The following ESRP1 variants were observed in gnomAD, a reference collection of about 807,000 sequenced individuals.
The protein encoded by ESRP1 is RNA-binding motif protein 35A.
A neutral mutation model predicts 81.7 loss-of-function variants in ESRP1; 33 were observed. That is an observed-to-expected ratio of 0.40 (90% CI 0.31 to 0.54). The LOEUF is 0.54. Among genes scored for constraint, ESRP1 ranks in the 20% least tolerant of loss-of-function variants. The probability of loss-of-function intolerance (pLI) is 0.41; values close to 1 mark genes in which losing one functional copy is unlikely to be tolerated. For missense variants in ESRP1, 672 were observed against 833.1 expected, an observed-to-expected ratio of 0.81 and a Z score of 2.38; for synonymous variants, 320 against 303.3, an observed-to-expected ratio of 1.06 and a Z score of -0.57.
At chr8:94,655,091 TG>T (rs1818337885) in intron 4 of ESRP1, among the ~76,000 whole-genome samples, 1 of 145,708 alleles carries the variant, frequency 6.9e-6, no homozygotes, top group East Asian at 2.1e-4. Context: ...GTGTGTGTTT[TG>T]TTTTGTTTTG....
intron 9 of ESRP1, among the ~76,000 whole-genome samples, chr8:94,666,630 G>A (rs1297160728): frequency 3.9e-5 from 6 of 152,114 alleles, no homozygotes; most frequent in Non-Finnish European, 5.9e-5. Flanking sequence ...AGAACTTACC[G>A]GAACAGCATC....
At chr8:94,647,132 C>T (rs1586173147) in intron 4 of ESRP1, among the ~76,000 whole-genome samples, 1 of 152,274 alleles carries the variant, frequency 6.6e-6, no homozygotes, top group East Asian at 1.9e-4. Context: ...TGTGTTACTT[C>T]ACGATTTTTT....
intron 6 of ESRP1, among the ~76,000 whole-genome samples, chr8:94,664,154 T>A (rs1818895884): frequency 7.3e-6 from 1 of 137,196 alleles, no homozygotes; most frequent in Non-Finnish European, 1.6e-5. Flanking sequence ...GAGGGAGTCT[T>A]GCTCTATTGC....
At chr8:94,682,897 C>T (rs1312530275) in intron 13 of ESRP1, among the ~76,000 whole-genome samples, 7 of 61,964 alleles carry the variant, frequency 1.1e-4, no homozygotes, top group Admixed American at 2.3e-4. Context: ...TCAATATATT[C>T]ATTATTTTAT....
intron 4 of ESRP1, among the ~76,000 whole-genome samples, chr8:94,648,216 C>T (rs1431917020): frequency 6.6e-6 from 1 of 152,102 alleles, no homozygotes. Flanking sequence ...ATGATTGTGC[C>T]ACTACACTCC....
At chr8:94,686,558 T>C (rs1050283148) in intron 13 of ESRP1, among the ~76,000 whole-genome samples, 1 of 152,218 alleles carries the variant, frequency 6.6e-6, no homozygotes, top group Non-Finnish European at 1.5e-5. Flanking sequence ...GTTAGTTTAT[T>C]TGATGTGGTA....
chr8:94,705,156 C>CTTTTTTTTTTTTTTTTTTTTTTTTTTT (rs57801249), intron 15 of ESRP1, among the ~76,000 whole-genome samples: 2 of 90,560 alleles, frequency 2.2e-5, no homozygotes, highest in African/African-American at 8.8e-5. Context: ...TGCCTTATTG[C>CTTTTTTTTTTTTTTTTTTTTTTTTTTT]TTTTTTTTTT....
chr8:94,642,312 T>A (rs546909739), intron 2 of ESRP1, among the ~76,000 whole-genome samples: 47 of 152,210 alleles, frequency 3.1e-4, no homozygotes, highest in Non-Finnish European at 6.0e-4. Flanking sequence ...TCACTAGTTT[T>A]CGAGTTGCTT....
intron 13 of ESRP1, among the ~76,000 whole-genome samples, chr8:94,689,015 C>A (rs1448771651): frequency 6.6e-6 from 1 of 152,034 alleles, no homozygotes; most frequent in Non-Finnish European, 1.5e-5. Flanking sequence ...CTTTGAGAGG[C>A]CGAGGTGGGC....
chr8:94,681,920 C>A (rs761080743), intron 13 of ESRP1, among the ~76,000 whole-genome samples: 2 of 152,136 alleles, frequency 1.3e-5, no homozygotes, highest in African/African-American at 4.8e-5. Context: ...GGTGACAGAG[C>A]GAGACTCAGT....
At chr8:94,702,199 A>T (rs1055622577) in intron 15 of ESRP1, among the ~76,000 whole-genome samples, 3 of 152,190 alleles carry the variant, frequency 2.0e-5, no homozygotes, top group Non-Finnish European at 2.9e-5. Context: ...TCACTCTGTC[A>T]CCCAGGCTGG....
intron 4 of ESRP1, among the ~76,000 whole-genome samples, chr8:94,656,773 A>G (rs1161905742): frequency 6.6e-6 from 1 of 152,240 alleles, no homozygotes; most frequent in African/African-American, 2.4e-5. Flanking sequence ...AATGGCTTTC[A>G]GATGACACTT....
rs1818958644 is a variant in ESRP1, at chr8:94,665,202, T to G, written c.931+6T>G. 1.2e-6 allele frequency: 2 copies of G among 1,611,700 alleles called. No homozygotes were observed. The highest frequency in any genetic ancestry group is 1.3e-5 in the African/African-American group (1 of 74,936). On this transcript the variant is annotated splice_donor_region_variant and intron_variant, in intron 9 of 15. Transcript: ENST00000433389. ...TTTCCTTAAAATTGCTGGTGGTAAG[T>G]GCCTTTTACATAATGTGGCTTTAGT...
rs138048026 is a variant in ESRP1 at position 94,680,774 on chromosome 8, A to G, written c.1820+2403A>G. On this transcript the variant is annotated intron_variant, in intron 13 of 15. Transcript: ENST00000433389. ...GCATAACTACTGGGCATTTGAGGCT[A>G]TTAAAAAACTTTGTTATGTAAATGC... 6.6e-3 allele frequency among the ~76,000 whole-genome samples: 1,008 copies of G among 152,322 alleles called. 7 individuals are homozygous for G. Among genetic ancestry groups the G allele is most frequent in the African/African-American group, 0.022 (925 of 41,572 alleles).
intron 14 of ESRP1, among the ~76,000 whole-genome samples, chr8:94,695,003 T>A (rs1809540414): frequency 6.6e-6 from 1 of 152,228 alleles, no homozygotes. Context: ...CAAAAATCTT[T>A]ATACCTAACC....
At chr8:94,696,014 G>A (rs555046476) in intron 14 of ESRP1, among the ~76,000 whole-genome samples, 5 of 152,288 alleles carry the variant, frequency 3.3e-5, no homozygotes, top group Admixed American at 1.3e-4. Flanking sequence ...AGTGAGCTGC[G>A]AATGCGACAT....
rs1444909261 is a variant in ESRP1, at chr8:94,641,607, A to C, written c.132+157A>C. The C allele has an allele frequency of 2.8e-6, 3 of 1,055,840 alleles. No homozygotes were observed. In the African/African-American group the frequency reaches 4.7e-5, roughly 17 times the overall value. The allele number at this position is 1,055,840 out of a possible 1,614,324, so 65.4% of individuals were successfully genotyped here. A position where few individuals can be genotyped will look rare whatever the true frequency, so the allele number is the denominator to read the frequency against. On this transcript the variant is annotated intron_variant, in intron 1 of 15. Transcript: ENST00000433389. ...GCCTAGGGAAGCTAGAGTAAAACCA[A>C]ACTTATTGGCCAACTGCCTTGGAGC...
intron 4 of ESRP1, among the ~76,000 whole-genome samples, chr8:94,658,623 G>A (rs1246872388): frequency 6.6e-6 from 1 of 152,058 alleles, no homozygotes; most frequent in African/African-American, 2.4e-5. Context: ...TAGATGAGAG[G>A]AAAGCTTAAT....
chr8:94,659,532 T>A (rs1818611581), intron 4 of ESRP1, among the ~76,000 whole-genome samples: 1 of 152,186 alleles, frequency 6.6e-6, no homozygotes, highest in South Asian at 2.1e-4. Flanking sequence ...TACAACAGCA[T>A]CTAACCTTTC....
Sources: allele counts gnomAD v4.1 joint callset (sites outside exome capture counted in the v4.1 genomes callset), GRCh38; gene constraint gnomAD v4.1.1; transcripts MANE v1.5; gene names NCBI Gene and HGNC (gene_info 2026-07-23, HGNC 2026-07-21).